Variants in ANKHD1 observed in about 807,000 individuals in gnomAD.
ANKHD1 encodes ankyrin repeat and KH domain containing 1, also known as ankyrin repeat and KH domain-containing protein 1.
In ANKHD1, 31 loss-of-function variants were observed where a neutral mutation model predicts 230.5. The ratio of observed to expected loss-of-function variants is 0.13; its 90% CI spans 0.10 to 0.18. The LOEUF (loss-of-function observed/expected upper bound fraction) is 0.18, where lower values mean the gene tolerates loss of function less well. ANKHD1 is among the 10% of genes least tolerant of loss of function. The pLI, the probability that ANKHD1 is intolerant of heterozygous loss-of-function variation, is 1.00. For missense variants in ANKHD1, 2,256 were observed against 3,071.3 expected (o/e 0.73, Z 6.27); for synonymous variants, 1,074 against 1,117.6 (o/e 0.96, Z 0.78).
In ANKHD1 at chr5:140,496,792, A is replaced by G; in HGVS notation, c.2518A>G (p.Lys840Glu). ...GAAGAAAATATTGAAAGAACTGCAG[A>G]AAGTGGAAAGGCAGTTGCAGATGAA... Reference protein sequence around the residue: ...KKKKILKELQKVERQLQMKTQ... With the variant: ...KKKKILKELQEVERQLQMKTQ... Residue 840 changes from lysine to glutamate, a missense_variant, in exon 15 of 34, where the codon AAA becomes GAA. This residue lies in a region of ANKHD1 where 358 missense variants were observed against 397.7 expected (regional missense o/e 0.90). Coordinates refer to ENST00000360839, the MANE Select transcript of ANKHD1 (RefSeq NM_017747.3). 6.2e-7 allele frequency: 1 copy of G among 1,614,064 alleles called. No homozygotes were observed. The highest frequency in any genetic ancestry group is 8.5e-7 in the Non-Finnish European group (1 of 1,180,026).
Position 140,527,048 on chromosome 5 carries a change from A to G in ANKHD1, c.5061A>G (p.Glu1687=). The change falls in exon 27 of 34, where the codon GAA becomes GAG. Residue 1687 remains glutamate, a synonymous_variant. Coordinates refer to ENST00000360839, the MANE Select transcript of ANKHD1 (RefSeq NM_017747.3). The surrounding 1 kb of genome is among the most constrained non-coding windows in gnomAD (Gnocchi z 4.5). ...GCCCTAAAAGGGGTCAGAAAAGAGA[A>G]GAAGGGTGGAAAGAAGTTGTACGAA... is the stretch of plus-strand genomic sequence containing the variant. ...LTSPKRGQKR[E]EGWKEVVRRS... 1 of 1,613,280 alleles carries G rather than the reference A, an allele frequency of 6.2e-7. No individual in the cohort carries two copies.
Position 140,449,204 on chromosome 5 carries a change from T to C in ANKHD1, c.1148-7T>C. The C allele has an allele frequency of 3.7e-6, 6 of 1,605,212 alleles. No homozygotes were observed. In the East Asian group the frequency reaches 1.3e-4, roughly 36 times the overall value. Reference sequence around the variant, plus strand: ...ATTCTTTTAAAATTTTTGTTCCTTTTTTCAAGGCCATTTGGATATGGTTCG... The same window carrying C: ...ATTCTTTTAAAATTTTTGTTCCTTTCTTCAAGGCCATTTGGATATGGTTCG... On this transcript the variant is annotated splice_polypyrimidine_tract_variant and splice_region_variant and intron_variant, in intron 6 of 33. Coordinates refer to ENST00000360839, the MANE Select transcript of ANKHD1 (RefSeq NM_017747.3).
chr5:140,466,671 C>T (rs758725152), intron 10 of ANKHD1, among the ~76,000 whole-genome samples: 6 of 151,752 alleles, frequency 4.0e-5, no homozygotes, highest in Non-Finnish European at 5.9e-5. Context: ...ATAGGCCAGG[C>T]GCAGTGGCTC....
chr5:140,525,945 G>A, intron 25 of ANKHD1, 51 bp from the exon 26 acceptor site: 1 of 1,514,346 alleles, frequency 6.6e-7, no homozygotes, highest in African/African-American at 1.4e-5. Flanking sequence ...GTCAGAATTT[G>A]TTTTGAGATC....
chr5:140,509,213 T>C (rs1288979572), intron 20 of ANKHD1, among the ~76,000 whole-genome samples: 1 of 152,220 alleles, frequency 6.6e-6, no homozygotes, highest in Non-Finnish European at 1.5e-5. Flanking sequence ...ATCTGTGTTA[T>C]TTTGGATAGT....
intron 9 of ANKHD1, 114 bp downstream of exon 9, chr5:140,459,469 G>C: frequency 7.6e-7 from 1 of 1,311,368 alleles, no homozygotes; most frequent in Non-Finnish European, 9.9e-7. Context: ...GGTTACCAGA[G>C]TGTGGGCATG....
At chr5:140,467,637 A>G (rs1174372318) in intron 10 of ANKHD1, among the ~76,000 whole-genome samples, 2 of 152,242 alleles carry the variant, frequency 1.3e-5, no homozygotes, top group East Asian at 1.9e-4. Context: ...AGTATGGGAA[A>G]GTATAATAAC....
intron 15 of ANKHD1, among the ~76,000 whole-genome samples, chr5:140,500,749 A>T (rs1752263036): frequency 6.6e-6 from 1 of 151,894 alleles, no homozygotes; most frequent in Non-Finnish European, 1.5e-5. Flanking sequence ...AAGTTTAAGA[A>T]CCTTAGATGT....
chr5:140,426,771 G>A (rs575547422), intron 1 of ANKHD1, among the ~76,000 whole-genome samples: 4 of 152,198 alleles, frequency 2.6e-5, no homozygotes, highest in South Asian at 4.1e-4. Flanking sequence ...ATCTTGCACC[G>A]CCCTTAATCC....
chr5:140,436,095 C>G lies in ANKHD1; in HGVS notation c.307-9C>G. 1 of 1,535,682 alleles carries G rather than the reference C, an allele frequency of 6.5e-7. No individual in the cohort carries two copies. ...TTTCATGGATATTGCATCTTTATTT[C>G]ATTAACAGGTTGAATCATTTATTTT... On this transcript the variant is annotated splice_polypyrimidine_tract_variant and intron_variant, in intron 1 of 33. Coordinates refer to ENST00000360839, the MANE Select transcript of ANKHD1 (RefSeq NM_017747.3).
Position 140,526,170 on chromosome 5 carries a change from C to T in ANKHD1, c.4667C>T (p.Thr1556Ile). Reference sequence around the variant, plus strand: ...AACAAAACAAAAGAAACCCCTCCTACAGCACATTTAATTTTACCAGAACAA... The same window carrying T: ...AACAAAACAAAAGAAACCCCTCCTATAGCACATTTAATTTTACCAGAACAA... ...KKNKTKETPPTAHLILPEQHM... is the reference protein window; with the variant it reads ...KKNKTKETPPIAHLILPEQHM... The change falls in exon 26 of 34, where the codon ACA becomes ATA. Residue 1556 changes from threonine (T) to isoleucine (I), a missense_variant. Physicochemically the swap from Thr to Ile is moderately conservative, Grantham distance 89. This residue lies in a region of ANKHD1 where 212 missense variants were observed against 257.3 expected (regional missense o/e 0.82). Coordinates refer to ENST00000360839, the MANE Select transcript of ANKHD1 (RefSeq NM_017747.3). The T allele has an allele frequency of 6.2e-7, 1 of 1,613,750 alleles. No homozygotes were observed. Among genetic ancestry groups the T allele is most frequent in the Non-Finnish European group, 8.5e-7 (1 of 1,179,954 alleles).
intron 21 of ANKHD1, 36 bp downstream of exon 21, chr5:140,509,848 G>C: frequency 6.3e-7 from 1 of 1,580,568 alleles, no homozygotes; most frequent in Non-Finnish European, 8.5e-7. Context: ...AACTTCTCAT[G>C]GTCATTTTCA....
intron 1 of ANKHD1, among the ~76,000 whole-genome samples, chr5:140,411,122 G>T (rs1028791928): frequency 1.3e-5 from 2 of 152,200 alleles, no homozygotes. Flanking sequence ...TAAGCAGGAT[G>T]TAGTGAATTT....
intron 24 of ANKHD1, among the ~76,000 whole-genome samples, chr5:140,522,682 T>G (rs1468919448): frequency 3.9e-5 from 6 of 152,224 alleles, no homozygotes; most frequent in Admixed American, 3.9e-4. Flanking sequence ...CATGTACCTA[T>G]GGATGGAATT....
chr5:140,425,416 A>T (rs1016134808), intron 1 of ANKHD1, among the ~76,000 whole-genome samples: 29 of 152,070 alleles, frequency 1.9e-4, no homozygotes, highest in Non-Finnish European at 3.7e-4. Context: ...ATGCACCACC[A>T]TGCCCAGCTA....
intron 1 of ANKHD1, among the ~76,000 whole-genome samples, chr5:140,434,616 AATCTTGTGTATTTT>A (rs1773304302): frequency 6.6e-6 from 1 of 151,790 alleles, no homozygotes; most frequent in Non-Finnish European, 1.5e-5. Flanking sequence ...TACTGTTTTG[AATCTTGTGTATTTT>A]ATTTAATTTT....
At chr5:140,509,473 G>A (rs1752671250) in intron 20 of ANKHD1, among the ~76,000 whole-genome samples, 164 bp from the exon 21 acceptor site, 1 of 152,100 alleles carries the variant, frequency 6.6e-6, no homozygotes, top group East Asian at 1.9e-4. Flanking sequence ...TAAAATTCAA[G>A]GCAAAATATT....
At chr5:140,531,358 T>A (rs976933102) in intron 29 of ANKHD1, 1 of 396,572 alleles carries the variant, frequency 2.5e-6, no homozygotes, top group African/African-American at 2.2e-5. Flanking sequence ...AGGCGAGTGG[T>A]TTACATGAGG....
Position 140,402,067 on chromosome 5 carries a change from C to T in ANKHD1, c.100C>T (p.Pro34Ser), listed in dbSNP as rs1345976734. 1 of 1,491,670 alleles carries T rather than the reference C, an allele frequency of 6.7e-7. No individual in the cohort carries two copies. Among genetic ancestry groups the T allele is most frequent in the Admixed American group, 2.4e-5 (1 of 41,528 alleles). The allele number at this position is 1,491,670 out of a possible 1,614,324, so 92.4% of individuals were successfully genotyped here. ...AGCTGGGGCCTCGGAGCCGCCTCCG[C>T]CGGGAGGGGTCGGTCTGGGGATCCG... Reference protein sequence around the residue: ...APAGASEPPPPGGVGLGIRTV... With the variant: ...APAGASEPPPSGGVGLGIRTV... The change falls in exon 1 of 34, where the codon CCG (proline) becomes TCG (serine). Residue 34 changes from proline to serine, a missense_variant. Physicochemically the swap from Pro to Ser is moderately conservative, Grantham distance 74. Around this residue, in one of 13 missense-constraint regions of ANKHD1, gnomAD observed 193 missense variants for 185.8 expected, o/e 1.04. Transcript: ENST00000360839.
Sources: gnomAD v4.1 joint callset for allele counts (sites outside exome capture counted in the v4.1 genomes callset) on GRCh38, gnomAD v4.1.1 for gene constraint, gnomAD v4.1.1 regional missense constraint, Gnocchi (gnomAD v3.1) non-coding constraint, MANE v1.5 for transcripts, NCBI Gene and HGNC (gene_info 2026-07-23, HGNC 2026-07-21) for gene names.